The following DPH6 variants were observed in gnomAD, a reference collection of about 807,000 sequenced individuals.
DPH6 encodes diphthine--ammonia ligase.
Under a neutral mutation model 38.2 loss-of-function variants are expected in DPH6, and 33 were observed. The observed-to-expected ratio is 0.86, with a 90% CI of 0.65 to 1.15. The LOEUF is 1.15. Among genes scored for constraint, DPH6 ranks in the 50% most tolerant of loss-of-function variants. DPH6 has a pLI of 0.00. For missense variants in DPH6, 325 were observed against 320.0 expected, an observed-to-expected ratio of 1.02 and a Z score of -0.12; for synonymous variants, 108 against 103.0, an observed-to-expected ratio of 1.05 and a Z score of -0.30.
intron 3 of DPH6, among the ~76,000 whole-genome samples, chr15:35,348,215 A>G (rs997724711): frequency 1.3e-5 from 2 of 152,284 alleles, no homozygotes; most frequent in African/African-American, 4.8e-5. Context: ...TGTCCAGTAA[A>G]ACACAGCCAA....
intron 3 of DPH6, among the ~76,000 whole-genome samples, chr15:35,243,892 C>T (rs2051617917): frequency 6.6e-6 from 1 of 152,114 alleles, no homozygotes; most frequent in Non-Finnish European, 1.5e-5. Flanking sequence ...ATTTGCCTTA[C>T]CAGTGTATAA....
At chr15:35,363,886 C>A (rs77139300) in intron 3 of DPH6, among the ~76,000 whole-genome samples, 4,636 of 151,946 alleles carry the variant, frequency 0.031, 213 homozygotes, top group African/African-American at 0.11. Flanking sequence ...TTTTTATATA[C>A]AATGCAAAAA....
intron 7 of DPH6, among the ~76,000 whole-genome samples, chr15:35,376,132 T>C (rs539220971): frequency 5.9e-5 from 9 of 152,274 alleles, no homozygotes; most frequent in African/African-American, 2.2e-4. Flanking sequence ...ATTATAATTA[T>C]GTGTTTGTGT....
chr15:35,339,034 G>A (rs1305654251), intron 3 of DPH6, among the ~76,000 whole-genome samples: 1 of 152,048 alleles, frequency 6.6e-6, no homozygotes, highest in Admixed American at 6.6e-5. Flanking sequence ...GCCTGTTGTG[G>A]GGTGGGGGTA....
At chr15:35,500,333 C>A (rs1249202575) in intron 3 of DPH6, among the ~76,000 whole-genome samples, 1 of 152,108 alleles carries the variant, frequency 6.6e-6, no homozygotes, top group Non-Finnish European at 1.5e-5. Context: ...GATGACTATA[C>A]TCTCGCCTTG....
chr15:35,220,074 C>T (rs962404439), exon 4 of DPH6: 1 of 152,208 alleles, frequency 6.6e-6, no homozygotes, highest in Non-Finnish European at 1.5e-5. Context: ...AAATGTCAAA[C>T]ACAAAGCAGA....
chr15:35,475,140 C>A (rs1362821352), intron 3 of DPH6, among the ~76,000 whole-genome samples: 1 of 151,708 alleles, frequency 6.6e-6, no homozygotes, highest in Admixed American at 6.6e-5. Context: ...AGCTGATAAA[C>A]ATTAAATATT....
intron 6 of DPH6, among the ~76,000 whole-genome samples, chr15:35,389,032 G>A (rs2053014183): frequency 6.6e-6 from 1 of 152,046 alleles, no homozygotes; most frequent in Non-Finnish European, 1.5e-5. Context: ...AGAGATTCTG[G>A]TATGTTGTGT....
the DPH6 span, among the ~76,000 whole-genome samples, chr15:35,198,652 C>CTA: frequency 2.0e-5 from 3 of 152,242 alleles, no homozygotes; most frequent in Middle Eastern, 6.8e-3. Context: ...ATGAAATGTA[C>CTA]TAAGTTTTTC....
the DPH6 span, among the ~76,000 whole-genome samples, chr15:35,196,930 T>C: frequency 6.6e-6 from 1 of 152,194 alleles, no homozygotes; most frequent in African/African-American, 2.4e-5. Flanking sequence ...TTGAATAAAT[T>C]ATATATTATT....
At chr15:35,276,878 G>A (rs938574732) in intron 3 of DPH6, among the ~76,000 whole-genome samples, 4 of 152,072 alleles carry the variant, frequency 2.6e-5, no homozygotes, top group African/African-American at 9.7e-5. Flanking sequence ...CTCCAGATTT[G>A]TTCTTTTTGT....
At chr15:35,388,616 A>G (rs2053006596) in intron 6 of DPH6, among the ~76,000 whole-genome samples, 2 of 152,150 alleles carry the variant, frequency 1.3e-5, no homozygotes, top group African/African-American at 2.4e-5. Flanking sequence ...TAGATTTTCT[A>G]GTTTATTTGC....
intron 3 of DPH6, among the ~76,000 whole-genome samples, chr15:35,318,736 G>C (rs1474931554): frequency 6.6e-6 from 1 of 151,992 alleles, no homozygotes; most frequent in African/African-American, 2.4e-5. Flanking sequence ...TGCAGAAACT[G>C]ATCCAGGAAT....
At chr15:35,403,725 C>G (rs2053252793) in intron 6 of DPH6, among the ~76,000 whole-genome samples, 2 of 151,800 alleles carry the variant, frequency 1.3e-5, no homozygotes, top group Non-Finnish European at 2.9e-5. Context: ...CCAGGCTGGT[C>G]TTGAACTCCT....
At chr15:35,377,909 GC>G (rs951269433) in intron 7 of DPH6, among the ~76,000 whole-genome samples, 1 of 148,826 alleles carries the variant, frequency 6.7e-6, no homozygotes, top group African/African-American at 2.5e-5. Context: ...TTGCAATGTT[GC>G]CCAGGTTGGA....
At position 35,373,535 on chromosome 15, in the gene DPH6, G is replaced by A. The variant is rs1373373096; in HGVS notation, c.736C>T (p.His246Tyr). The change falls in exon 8 of 9, where the codon CAC (histidine) becomes TAC (tyrosine). Residue 246 changes from histidine (H) to tyrosine (Y), a missense_variant. By Grantham distance (83) the His-to-Tyr change is moderately conservative. Coordinates refer to ENST00000256538, the MANE Select transcript of DPH6 (RefSeq NM_080650.4). ...PVAYLRFLEL[H>Y]LEDKVSSVPD... ...GATTTACTTGCCTTGTCCTCCAAGT[G>A]CAATTCTAAAAAGCGTAGATAAGCC... 1.9e-6 allele frequency: 3 copies of A among 1,605,866 alleles called. No individual in the cohort carries two copies. The highest frequency in any genetic ancestry group is 1.1e-5 in the South Asian group (1 of 89,714).
chr15:35,477,262 C>T (rs1282271185), intron 3 of DPH6, among the ~76,000 whole-genome samples: 1 of 151,660 alleles, frequency 6.6e-6, no homozygotes, highest in Admixed American at 6.6e-5. Context: ...TCAAATAAAT[C>T]ATTTTTTAGA....
intron 3 of DPH6, among the ~76,000 whole-genome samples, chr15:35,364,696 AT>A (rs558627174): frequency 2.1e-4 from 31 of 148,948 alleles, no homozygotes; most frequent in East Asian, 1.6e-3. Flanking sequence ...TTTGTTTTCA[AT>A]TTTTTTTTTC....
intron 6 of DPH6, among the ~76,000 whole-genome samples, chr15:35,382,926 T>C (rs1052249374): frequency 6.6e-6 from 1 of 151,804 alleles, no homozygotes; most frequent in Non-Finnish European, 1.5e-5. Context: ...ACCATTTAAA[T>C]AGTCTTGATA....
Sources: gnomAD v4.1 joint callset for allele counts (sites outside exome capture counted in the v4.1 genomes callset) on GRCh38, gnomAD v4.1.1 for gene constraint, MANE v1.5 for transcripts, NCBI Gene and HGNC (gene_info 2026-07-23, HGNC 2026-07-21) for gene names.